The following GALNT13 variants were observed in gnomAD, a reference collection of about 807,000 sequenced individuals.
GALNT13 encodes UDP-GalNAc:polypeptide N-acetylgalactosaminyltransferase 13.
A neutral mutation model predicts 64.2 loss-of-function variants in GALNT13; 28 were observed. The observed-to-expected ratio is 0.44, with a 90% confidence interval of 0.32 to 0.60. The LOEUF is 0.60. GALNT13 is among the 20% of genes least tolerant of loss of function. GALNT13 has a pLI of 0.05. For missense variants in GALNT13, 577 were observed against 669.8 expected, an observed-to-expected ratio of 0.86 and a Z score of 1.53; for synonymous variants, 214 against 224.6, an observed-to-expected ratio of 0.95 and a Z score of 0.42.
intron 9 of GALNT13, among the ~76,000 whole-genome samples, chr2:154,342,410 T>TGATATACTG (rs1695821659): frequency 6.6e-6 from 1 of 152,022 alleles, no homozygotes; most frequent in Admixed American, 6.6e-5. Context: ...TAAATTTCAG[T>TGATATACTG]ATATGTGGCT....
At chr2:153,399,674 CT>C in the GALNT13 span, among the ~76,000 whole-genome samples, 119 of 151,886 alleles carry the variant, frequency 7.8e-4, no homozygotes, top group African/African-American at 2.8e-3. Context: ...GTATTTTATT[CT>C]CTTTGAAGCA....
At chr2:153,295,045 TAA>T in the GALNT13 span, among the ~76,000 whole-genome samples, 20 of 152,168 alleles carry the variant, frequency 1.3e-4, no homozygotes, top group African/African-American at 4.6e-4. Context: ...TAGTCAACTT[TAA>T]ATAGACACAG....
intron 11 of GALNT13, chr2:154,437,765 G>A (rs1431022572): frequency 1.4e-5 from 5 of 359,878 alleles, no homozygotes; most frequent in Non-Finnish European, 2.2e-5. Flanking sequence ...TGAGGCAGGA[G>A]AATCGCTTGA....
At chr2:153,102,070 A>G in the GALNT13 span, among the ~76,000 whole-genome samples, 1 of 151,920 alleles carries the variant, frequency 6.6e-6, no homozygotes, top group Non-Finnish European at 1.5e-5. Flanking sequence ...ATTAGATTTA[A>G]TTCTCTCTTG....
At chr2:154,326,364 A>G (rs1375418446) in intron 9 of GALNT13, among the ~76,000 whole-genome samples, 5 of 151,846 alleles carry the variant, frequency 3.3e-5, no homozygotes, top group African/African-American at 1.2e-4. Flanking sequence ...TCTGAATGTC[A>G]GATCAACAAT....
In GALNT13 at chr2:154,218,536, C is replaced by G. The variant is rs191767845; in HGVS notation, c.312-23494C>G. Among the ~76,000 whole-genome samples, 329 of 152,150 alleles carry G rather than the reference C, an allele frequency of 2.2e-3. 3 individuals carry two copies. The highest frequency in any genetic ancestry group is 7.4e-3 in the African/African-American group (307 of 41,542). Reference sequence around the variant, plus strand: ...ACTCATTTCCAATTTATTACTCTACCCACTGTAATCTGGTACTTGTTTTCC... The same window carrying G: ...ACTCATTTCCAATTTATTACTCTACGCACTGTAATCTGGTACTTGTTTTCC... On this transcript the variant is annotated intron_variant, in intron 4 of 12. Coordinates refer to ENST00000392825, the MANE Select transcript of GALNT13 (RefSeq NM_052917.4).
At position 154,304,818 on chromosome 2, in the gene GALNT13, T is replaced by A. The variant is rs1483738616; in HGVS notation, c.1156+3229T>A. 2.0e-5 allele frequency among the ~76,000 whole-genome samples: 3 copies of A among 152,330 alleles called. No individual in the cohort carries two copies. The East Asian group carries it at 5.8e-4, about 29-fold the overall frequency. On this transcript the variant is annotated intron_variant, in intron 9 of 12. Coordinates refer to ENST00000392825, the MANE Select transcript of GALNT13 (RefSeq NM_052917.4). ...TTTATTTAAATGTAGAAAAGTAGTT[T>A]GGGAGGCAGAACAAGGACTTTTGGG...
intron 2 of GALNT13, among the ~76,000 whole-genome samples, chr2:153,935,613 T>G (rs1049889133): frequency 6.6e-6 from 1 of 152,206 alleles, no homozygotes; most frequent in Non-Finnish European, 1.5e-5. Flanking sequence ...GAGCAGCCAT[T>G]TATGGCATCA....
the GALNT13 span, chr2:153,478,685 C>T: frequency 1.2e-5 from 10 of 830,900 alleles, no homozygotes; most frequent in African/African-American, 1.8e-5. Context: ...GAGGGCTCCT[C>T]GCTCTGCTTT....
chr2:153,561,158 T>G, the GALNT13 span, among the ~76,000 whole-genome samples: 1 of 144,096 alleles, frequency 6.9e-6, no homozygotes, highest in Non-Finnish European at 1.5e-5. Flanking sequence ...TCTTATTGTT[T>G]GCAGTAGACT....
chr2:153,921,116 A>C (rs1689726911), intron 2 of GALNT13, among the ~76,000 whole-genome samples: 1 of 152,184 alleles, frequency 6.6e-6, no homozygotes, highest in Non-Finnish European at 1.5e-5. Flanking sequence ...CAGCAATCCC[A>C]TGTTTGAGTA....
the GALNT13 span, among the ~76,000 whole-genome samples, chr2:153,760,490 G>T: frequency 6.6e-6 from 1 of 151,752 alleles, no homozygotes; most frequent in African/African-American, 2.4e-5. Flanking sequence ...ATTTCTTCTT[G>T]ACCCATTGAT....
intron 4 of GALNT13, among the ~76,000 whole-genome samples, chr2:154,163,799 TG>T (rs1684872303): frequency 6.6e-6 from 1 of 152,160 alleles, no homozygotes; most frequent in Non-Finnish European, 1.5e-5. Flanking sequence ...TGTCGTAAAC[TG>T]GGTTTTAAAA....
At chr2:153,301,911 G>GTA in the GALNT13 span, among the ~76,000 whole-genome samples, 2 of 147,404 alleles carry the variant, frequency 1.4e-5, no homozygotes, top group Non-Finnish European at 1.5e-5. Context: ...GTGTGTGTGT[G>GTA]TATAGTATAT....
At chr2:153,250,314 A>G in the GALNT13 span, among the ~76,000 whole-genome samples, 2 of 152,378 alleles carry the variant, frequency 1.3e-5, no homozygotes, top group Admixed American at 1.3e-4. Context: ...AGAGAAACGC[A>G]AATCAAAACC....
At chr2:153,432,369 G>A in the GALNT13 span, among the ~76,000 whole-genome samples, 5 of 152,094 alleles carry the variant, frequency 3.3e-5, no homozygotes, top group Non-Finnish European at 5.9e-5. Context: ...GGAATCAAAT[G>A]GTTTGGAATG....
chr2:154,180,173 A>C (rs1272755013), intron 4 of GALNT13, among the ~76,000 whole-genome samples: 1 of 152,178 alleles, frequency 6.6e-6, no homozygotes, highest in Non-Finnish European at 1.5e-5. Flanking sequence ...TGACATCTGT[A>C]GCCTTCTCTA....
At chr2:153,240,297 T>C in the GALNT13 span, among the ~76,000 whole-genome samples, 51 of 152,330 alleles carry the variant, frequency 3.3e-4, no homozygotes, top group South Asian at 5.8e-3. Flanking sequence ...ATAATAAAAC[T>C]CCAGTCTCTC....
chr2:153,097,402 A>G, the GALNT13 span, among the ~76,000 whole-genome samples: 1 of 152,116 alleles, frequency 6.6e-6, no homozygotes, highest in African/African-American at 2.4e-5. Context: ...TAATGGGATG[A>G]TTGATGGAGC....
Sources: gnomAD v4.1 joint callset for allele counts (sites outside exome capture counted in the v4.1 genomes callset) on GRCh38, gnomAD v4.1.1 for gene constraint, MANE v1.5 for transcripts, NCBI Gene and HGNC (gene_info 2026-07-23, HGNC 2026-07-21) for gene names.